The following CHRM5 variants were observed in gnomAD, a reference collection of about 807,000 sequenced individuals.
CHRM5 encodes the protein cholinergic receptor muscarinic 5.
A neutral mutation model predicts 39.0 loss-of-function variants in CHRM5; 18 were observed. The observed-to-expected ratio is 0.46, with a 90% CI of 0.32 to 0.68. The LOEUF (loss-of-function observed/expected upper bound fraction) is 0.68. Ranked by LOEUF, CHRM5 falls within the 30% of genes least tolerant of loss-of-function variation. CHRM5 has a pLI of 0.04. For missense variants in CHRM5, 515 were observed against 651.1 expected, an observed-to-expected ratio of 0.79 and a Z score of 2.28; for synonymous variants, 241 against 246.3, an observed-to-expected ratio of 0.98 and a Z score of 0.20.
chr15:34,063,312 A>G lies in CHRM5; in HGVS notation c.595A>G (p.Ile199Val), dbSNP rs779710796. Residue 199 changes from isoleucine to valine, a missense_variant, in exon 3 of 3, where the codon ATT becomes GTT. Ile to Val is a conservative substitution (Grantham distance 29). Transcript: ENST00000383263. The surrounding 1 kb of genome is among the most constrained non-coding windows in gnomAD (Gnocchi z 4.1). ...GCCCACCATCACTTTTGGCACTGCC[A>G]TTGCTGCCTTCTACATCCCTGTTTC... is the stretch of plus-strand genomic sequence containing the variant. ...SEPTITFGTA[I>V]AAFYIPVSVM... is the part of the protein sequence containing the mutation. 13 of 1,614,014 alleles carry G rather than the reference A, an allele frequency of 8.1e-6. No individual in the cohort carries two copies. The Admixed American group carries it at 1.2e-4, about 14-fold the overall frequency.
chr15:33,990,243 G>A (rs1169449890), intron 1 of CHRM5, among the ~76,000 whole-genome samples: 4 of 151,952 alleles, frequency 2.6e-5, no homozygotes, highest in East Asian at 3.9e-4. Context: ...TTAGCCAGGC[G>A]TTGAGGTGCG....
chr15:34,014,610 G>A (rs1361360348), intron 1 of CHRM5, among the ~76,000 whole-genome samples: 1 of 152,166 alleles, frequency 6.6e-6, no homozygotes, highest in African/African-American at 2.4e-5. Flanking sequence ...AGGTACCAGT[G>A]TCTGTGAGAG....
At chr15:34,053,233 G>A (rs1439057956) in intron 2 of CHRM5, among the ~76,000 whole-genome samples, 1 of 145,976 alleles carries the variant, frequency 6.9e-6, no homozygotes, top group Admixed American at 7.0e-5. Context: ...CCAGGAGGCA[G>A]AGGTTGCAGT....
chr15:34,032,418 G>A (rs917176952), intron 1 of CHRM5, among the ~76,000 whole-genome samples: 1 of 152,130 alleles, frequency 6.6e-6, no homozygotes, highest in Non-Finnish European at 1.5e-5. Context: ...ATCGATTTAT[G>A]AGCGAGCTAT....
At chr15:34,028,620 A>G (rs1898612223) in intron 1 of CHRM5, among the ~76,000 whole-genome samples, 1 of 152,208 alleles carries the variant, frequency 6.6e-6, no homozygotes, top group African/African-American at 2.4e-5. Context: ...GAGGACAGCA[A>G]AGTGGCAAAG....
intron 1 of CHRM5, among the ~76,000 whole-genome samples, chr15:34,007,891 T>G (rs1015280512): frequency 1.3e-5 from 2 of 152,214 alleles, no homozygotes; most frequent in African/African-American, 4.8e-5. Context: ...CTTTGCCATT[T>G]TCACATGGCA....
chr15:34,048,535 C>G (rs1430601818), intron 2 of CHRM5, among the ~76,000 whole-genome samples: 1 of 147,278 alleles, frequency 6.8e-6, no homozygotes, highest in African/African-American at 2.5e-5. Context: ...GTTATACAGA[C>G]AGAGCTCTGA....
chr15:34,064,202 T>C lies in CHRM5; in HGVS notation c.1485T>C (p.Tyr495=). 6.2e-7 allele frequency: 1 copy of C among 1,614,226 alleles called. No homozygotes were observed. Among genetic ancestry groups the C allele is most frequent in the South Asian group, 1.1e-5 (1 of 91,078 alleles). The change falls in exon 3 of 3, where the codon TAT becomes TAC. Residue 495 remains tyrosine (Y), a synonymous_variant. Coordinates refer to ENST00000383263, the MANE Select transcript of CHRM5 (RefSeq NM_012125.4). ...ATAGCACTGTCAACCCCATCTGCTATGCCCTCTGCAACAGAACCTTCAGGA... is the reference window on the plus strand; with the variant it reads ...ATAGCACTGTCAACCCCATCTGCTACGCCCTCTGCAACAGAACCTTCAGGA... ...YVNSTVNPIC[Y]ALCNRTFRKT...
intron 2 of CHRM5, among the ~76,000 whole-genome samples, chr15:34,054,598 C>T (rs778075837): frequency 2.0e-5 from 3 of 152,110 alleles, no homozygotes; most frequent in South Asian, 2.1e-4. Context: ...AACTAAACAC[C>T]GCATGTTCTC....
intron 1 of CHRM5, among the ~76,000 whole-genome samples, chr15:34,020,107 C>G (rs368343260): frequency 6.6e-6 from 1 of 151,986 alleles, no homozygotes; most frequent in African/African-American, 2.4e-5. Context: ...GTCAGGAGAT[C>G]GAGACCATCT....
intron 1 of CHRM5, among the ~76,000 whole-genome samples, chr15:33,973,944 T>C (rs1895758312): frequency 6.6e-6 from 1 of 152,212 alleles, no homozygotes; most frequent in Non-Finnish European, 1.5e-5. Context: ...TCACTGATAA[T>C]AGGCAAGTAG....
rs1162555127 is a variant in CHRM5 at position 34,005,176 on chromosome 15, A to T, written c.-408+36026A>T. 2.6e-5 allele frequency among the ~76,000 whole-genome samples: 4 copies of T among 152,142 alleles called. 1 individual carries two copies. Among genetic ancestry groups the T allele is most frequent in the East Asian group, 1.9e-4 (1 of 5,204 alleles). On this transcript the variant is annotated intron_variant, in intron 1 of 2. Transcript: ENST00000383263. ...ACTTCTTTTTGGTCACTAGATTTTT[A>T]AAAAATATTCTTCATCTCTCCACTT...
chr15:34,063,523 C>T lies in CHRM5; in HGVS notation c.806C>T (p.Ala269Val). The T allele has an allele frequency of 6.2e-7, 1 of 1,613,700 alleles. No individual in the cohort carries two copies. The highest frequency in any genetic ancestry group is 8.5e-7 in the Non-Finnish European group (1 of 1,180,026). Reference protein sequence around the residue: ...PTLAQRERNQASWSSSRRSTS... With the variant: ...PTLAQRERNQVSWSSSRRSTS... ...CTGGCCCAGCGGGAAAGGAACCAGG[C>T]CTCCTGGTCATCCTCCCGCAGGAGC... Residue 269 changes from alanine (A) to valine (V), a missense_variant, in exon 3 of 3, where the codon GCC becomes GTC. Physicochemically the swap from Ala to Val is moderately conservative, Grantham distance 64 (BLOSUM62 0). Transcript: ENST00000383263. This position sits in a 1 kb window ranked among gnomAD's most constrained non-coding sequence, Gnocchi z 4.1.
chr15:34,042,396 G>GTTTTTT (rs35456951), intron 1 of CHRM5, among the ~76,000 whole-genome samples: 4 of 130,382 alleles, frequency 3.1e-5, no homozygotes, highest in South Asian at 2.4e-4. Flanking sequence ...CATGACCTAA[G>GTTTTTT]TTTTTTTTTT....
At position 34,063,932 on chromosome 15, in the gene CHRM5, C is replaced by G; in HGVS notation, c.1215C>G (p.Cys405Trp). ...NGCHKVKIMP[C>W]PFPVAKEPST... The stretch of plus-strand genomic sequence containing the variant: ...GTCACAAGGTGAAAATCATGCCCTG[C>G]CCCTTCCCAGTGGCCAAGGAACCTT... Residue 405 changes from cysteine (C) to tryptophan (W), a missense_variant, in exon 3 of 3, where the codon TGC becomes TGG. Transcript: ENST00000383263. This position sits in a 1 kb window ranked among gnomAD's most constrained non-coding sequence, Gnocchi z 4.1. The G allele has an allele frequency of 6.2e-7, 1 of 1,614,140 alleles. No homozygotes were observed. Among genetic ancestry groups the G allele is most frequent in the Non-Finnish European group, 8.5e-7 (1 of 1,180,022 alleles).
chr15:33,986,993 A>G (rs1424198939), intron 1 of CHRM5, among the ~76,000 whole-genome samples: 1 of 152,218 alleles, frequency 6.6e-6, no homozygotes, highest in African/African-American at 2.4e-5. Flanking sequence ...CAGATAAAAT[A>G]TAGATTTACT....
intron 1 of CHRM5, among the ~76,000 whole-genome samples, chr15:34,031,945 GTTAA>G (rs777698310): frequency 2.6e-5 from 4 of 151,930 alleles, no homozygotes; most frequent in Admixed American, 6.6e-5. Context: ...TAACAAAGCT[GTTAA>G]TTATTTCCAT....
At position 34,062,935 on chromosome 15, in the gene CHRM5, C is replaced by A. The variant is rs1344278002; in HGVS notation, c.218C>A (p.Ala73Asp). 6.2e-7 allele frequency: 1 copy of A among 1,614,152 alleles called. No homozygotes were observed. ...AACAACTATTACCTGCTCAGCTTAG[C>A]CTGTGCAGATCTCATCATTGGAATC... is the stretch of plus-strand genomic sequence containing the variant. ...TVNNYYLLSLACADLIIGIFS... is the reference protein window; with the variant it reads ...TVNNYYLLSLDCADLIIGIFS... Residue 73 changes from alanine to aspartate, a missense_variant, in exon 3 of 3, where the codon GCC becomes GAC. Coordinates refer to ENST00000383263, the MANE Select transcript of CHRM5 (RefSeq NM_012125.4).
At chr15:34,005,165 A>C (rs530572311) in intron 1 of CHRM5, among the ~76,000 whole-genome samples, 1 of 152,202 alleles carries the variant, frequency 6.6e-6, no homozygotes, top group Non-Finnish European at 1.5e-5. Flanking sequence ...CTTTTTGGTC[A>C]CTAGATTTTT....
Sources: allele counts gnomAD v4.1 joint callset (sites outside exome capture counted in the v4.1 genomes callset), GRCh38; gene constraint gnomAD v4.1.1; non-coding constraint Gnocchi (gnomAD v3.1); transcripts MANE v1.5; gene names NCBI Gene and HGNC (gene_info 2026-07-23, HGNC 2026-07-21).